Variants in SLC35D1 observed in about 807,000 individuals in gnomAD.
SLC35D1 encodes the protein nucleotide sugar transporter SLC35D1.
In SLC35D1, 31 loss-of-function variants were observed where a neutral mutation model predicts 46.7. The observed-to-expected ratio is 0.66, with a 90% CI of 0.50 to 0.90. The LOEUF is 0.90. Among genes scored for constraint, SLC35D1 ranks in the 40% least tolerant of loss-of-function variants. SLC35D1 has a pLI of 0.00. For missense variants in SLC35D1, 397 were observed against 426.2 expected (o/e 0.93, Z 0.60); for synonymous variants, 195 against 164.6 (o/e 1.18, Z -1.41).
intron 10 of SLC35D1, among the ~76,000 whole-genome samples, chr1:67,017,385 T>C (rs1667706846): frequency 6.6e-6 from 1 of 152,166 alleles, no homozygotes. Flanking sequence ...AAAACCTGAA[T>C]TCTTTCCTGG....
the SLC35D1 span, among the ~76,000 whole-genome samples, chr1:66,976,252 TTG>T: frequency 5.3e-5 from 8 of 151,680 alleles, no homozygotes; most frequent in Admixed American, 6.6e-5. Flanking sequence ...TCCACCCCCC[TTG>T]GCCTCCCAAA....
intron 10 of SLC35D1, among the ~76,000 whole-genome samples, chr1:67,017,457 A>C (rs753594740): frequency 1.3e-4 from 20 of 152,168 alleles, no homozygotes; most frequent in Non-Finnish European, 2.4e-4. Context: ...AAGCCACTGA[A>C]AGTTGAAACT....
chr1:67,047,412 C>T (rs763800777), intron 6 of SLC35D1, 45 bp from the exon 7 acceptor site: 2 of 1,481,486 alleles, frequency 1.3e-6, no homozygotes, highest in African/African-American at 1.4e-5. Context: ...AAAGAACATG[C>T]ATTTAATTTT....
the SLC35D1 span, chr1:66,986,647 C>A: frequency 1.8e-6 from 1 of 551,518 alleles, no homozygotes; most frequent in Non-Finnish European, 3.2e-6. Context: ...GTGTTAAAAG[C>A]CACTTTGCAA....
the SLC35D1 span, among the ~76,000 whole-genome samples, chr1:66,983,666 G>A: frequency 2.0e-5 from 3 of 152,002 alleles, no homozygotes; most frequent in South Asian, 2.1e-4. Context: ...TGGATAGTGC[G>A]GCATTAGTTT....
At chr1:66,991,929 A>C in the SLC35D1 span, among the ~76,000 whole-genome samples, 1 of 152,162 alleles carries the variant, frequency 6.6e-6, no homozygotes, top group Non-Finnish European at 1.5e-5. Flanking sequence ...GCCATCTGTA[A>C]AATAAGGATG....
chr1:67,016,611 T>C (rs1667691809), intron 10 of SLC35D1, among the ~76,000 whole-genome samples: 1 of 152,154 alleles, frequency 6.6e-6, no homozygotes, highest in Non-Finnish European at 1.5e-5. Flanking sequence ...AACTTTTTTT[T>C]CTTCTAAACT....
chr1:67,041,187 A>G (rs1668234899), intron 8 of SLC35D1, among the ~76,000 whole-genome samples: 1 of 152,318 alleles, frequency 6.6e-6, no homozygotes, highest in South Asian at 2.1e-4. Flanking sequence ...TCACAGCCAC[A>G]AAATACTTAT....
At chr1:67,043,675 C>T (rs1489308847) in intron 7 of SLC35D1, among the ~76,000 whole-genome samples, 1 of 152,188 alleles carries the variant, frequency 6.6e-6, no homozygotes, top group Admixed American at 6.5e-5. Flanking sequence ...AAAACGTGTA[C>T]ATGAAGTAAA....
intron 1 of SLC35D1, 65 bp downstream of exon 1, chr1:67,053,746 G>T (rs961130302): frequency 1.5e-6 from 2 of 1,373,438 alleles, no homozygotes; most frequent in African/African-American, 3.0e-5. Context: ...CAGGGAGCCG[G>T]CGCCGCGCCG....
At chr1:66,978,571 C>G in the SLC35D1 span, among the ~76,000 whole-genome samples, 3 of 152,090 alleles carry the variant, frequency 2.0e-5, no homozygotes, top group East Asian at 5.8e-4. Flanking sequence ...GATACAGCAT[C>G]TAGTCTGCAG....
chr1:66,974,903 C>A, the SLC35D1 span, among the ~76,000 whole-genome samples: 13 of 152,196 alleles, frequency 8.5e-5, no homozygotes, highest in Admixed American at 7.2e-4. Flanking sequence ...TTGCATGCCC[C>A]AAAATGACTT....
the SLC35D1 span, chr1:66,986,734 T>C: frequency 2.9e-6 from 1 of 340,896 alleles, no homozygotes; most frequent in East Asian, 4.6e-5. Flanking sequence ...GGTGGAAGTG[T>C]TGAGAAGTAT....
chr1:67,004,078 A>G lies in SLC35D1; in HGVS notation c.*262T>C, dbSNP rs1327960647. The G allele has an allele frequency of 1.0e-5, 4 of 394,828 alleles. No homozygotes were observed. Among genetic ancestry groups the G allele is most frequent in the South Asian group, 5.0e-5 (2 of 39,674 alleles). The allele number at this position is 394,828 out of a possible 1,614,324, so 24.5% of individuals were successfully genotyped here. ...AACACTGATGTTTCACTGTCGGCATATAAGAAAAATAAATTAAAAAGCCCA... is the reference window on the plus strand; with the variant it reads ...AACACTGATGTTTCACTGTCGGCATGTAAGAAAAATAAATTAAAAAGCCCA... On this transcript the variant is annotated 3_prime_UTR_variant, in exon 12 of 12. Coordinates refer to ENST00000235345, the MANE Select transcript of SLC35D1 (RefSeq NM_015139.3).
chr1:67,035,792 A>G (rs1668110011), intron 8 of SLC35D1, among the ~76,000 whole-genome samples: 2 of 114,572 alleles, frequency 1.7e-5, no homozygotes, highest in Non-Finnish European at 3.7e-5. Context: ...TAGGTTGTTT[A>G]TTTGAAGTTT....
chr1:67,021,724 G>GACACACACACACACACACAC (rs35069681), intron 8 of SLC35D1, 122 bp from the exon 9 acceptor site: 40 of 422,538 alleles, frequency 9.5e-5, no homozygotes, highest in Middle Eastern at 5.4e-4. Context: ...CACAGACACA[G>GACACACACACACACACACAC]ACACACACAC....
the SLC35D1 span, among the ~76,000 whole-genome samples, chr1:66,989,015 A>T: frequency 6.6e-6 from 1 of 152,082 alleles, no homozygotes; most frequent in Non-Finnish European, 1.5e-5. Flanking sequence ...CTAGCTAAAT[A>T]TTTTTCTTTT....
At chr1:67,040,295 T>G (rs1002005994) in intron 8 of SLC35D1, among the ~76,000 whole-genome samples, 4 of 152,146 alleles carry the variant, frequency 2.6e-5, no homozygotes, top group African/African-American at 9.7e-5. Context: ...ACCCAGCCCT[T>G]TGTCACAAAC....
chr1:67,027,334 AT>A (rs1490367292), intron 8 of SLC35D1, among the ~76,000 whole-genome samples: 19 of 152,126 alleles, frequency 1.2e-4, no homozygotes, highest in Admixed American at 1.2e-3. Context: ...TTTAAAAAAA[AT>A]CTTAGCTTTT....
Sources: allele counts gnomAD v4.1 joint callset (sites outside exome capture counted in the v4.1 genomes callset), GRCh38; gene constraint gnomAD v4.1.1; transcripts MANE v1.5; gene names NCBI Gene and HGNC (gene_info 2026-07-23, HGNC 2026-07-21).